The following ABCC11 variants were observed in gnomAD, a reference collection of about 807,000 sequenced individuals.
ABCC11 encodes the protein ATP binding cassette subfamily C member 11.
A neutral mutation model predicts 149.3 loss-of-function variants in ABCC11; 135 were observed. That is an observed-to-expected ratio of 0.90 (90% CI 0.79 to 1.04). ABCC11 has a LOEUF of 1.04. Ranked by LOEUF, ABCC11 falls within the 50% of genes least tolerant of loss-of-function variation. The probability of loss-of-function intolerance (pLI) is 0.00; values close to 1 mark genes in which losing one functional copy is unlikely to be tolerated. For missense variants in ABCC11, 1,680 were observed against 1,722.1 expected (o/e 0.98, Z 0.43); for synonymous variants, 665 against 671.4 (o/e 0.99, Z 0.15).
At position 48,167,319 on chromosome 16, in the gene ABCC11, T is replaced by C. The variant is rs1426944700; in HGVS notation, c.4104A>G (p.Ser1368=). The change falls in exon 30 of 30, where the codon TCA becomes TCG. Residue 1368 remains serine (S), a synonymous_variant. Coordinates refer to ENST00000356608, the MANE Select transcript of ABCC11 (RefSeq NM_001370497.1). ...RPEVLRKKPG[S]LFAALMATAT... ...CTGTGGCCATGAGGGCTGCGAACAATGACCCAGGCTTCTTCCGCAGTACCT... is the reference window on the plus strand; with the variant it reads ...CTGTGGCCATGAGGGCTGCGAACAACGACCCAGGCTTCTTCCGCAGTACCT... 1.0e-6 allele frequency: 1 copy of C among 966,716 alleles called. No individual in the cohort carries two copies. Among genetic ancestry groups the C allele is most frequent in the East Asian group, 2.4e-5 (1 of 42,056 alleles). The allele number at this position is 966,716 out of a possible 1,614,324, so 59.9% of individuals were successfully genotyped here. A position where few individuals can be genotyped will look rare whatever the true frequency, so the allele number is the denominator to read the frequency against.
intron 26 of ABCC11, among the ~76,000 whole-genome samples, chr16:48,173,137 A>G (rs1965823835): frequency 1.3e-5 from 2 of 152,182 alleles, no homozygotes; most frequent in African/African-American, 4.8e-5. Context: ...TATCAGTTTT[A>G]AATGGCTTGT....
intron 6 of ABCC11, among the ~76,000 whole-genome samples, chr16:48,219,810 G>A (rs13332872): frequency 0.14 from 21,868 of 151,886 alleles, 2,074 homozygotes; most frequent in African/African-American, 0.28. Flanking sequence ...GTGAAACCCC[G>A]TCTCTACTAA....
chr16:48,164,992 G>C (rs1466566635), downstream of ABCC11: 1 of 152,010 alleles, frequency 6.6e-6, no homozygotes, highest in Non-Finnish European at 1.5e-5. Context: ...TTATCTCCGG[G>C]GATCCGGCCA....
At chr16:48,213,234 C>T (rs1969070431) in intron 10 of ABCC11, among the ~76,000 whole-genome samples, 1 of 152,224 alleles carries the variant, frequency 6.6e-6, no homozygotes, top group Non-Finnish European at 1.5e-5. Flanking sequence ...ACACACTATC[C>T]TAAGATCTTC....
chr16:48,194,821 G>C (rs1282559663), intron 18 of ABCC11, among the ~76,000 whole-genome samples: 3 of 152,220 alleles, frequency 2.0e-5, no homozygotes, highest in Admixed American at 6.5e-5. Context: ...GGACTTCCCA[G>C]TCTCCAGAAC....
intron 28 of ABCC11, 131 bp from the exon 29 acceptor site, chr16:48,167,791 G>A (rs546836147): frequency 0.092 from 97,493 of 1,061,440 alleles, 5,203 homozygotes; most frequent in Middle Eastern, 0.12. Context: ...GGAAATGGGA[G>A]AATTATGCCG....
chr16:48,165,102 GGCCAGTGTGTA>G (rs1192396665), downstream of ABCC11: 1 of 152,078 alleles, frequency 6.6e-6, no homozygotes, highest in Non-Finnish European at 1.5e-5. Context: ...GCCTGGGGAG[GGCCAGTGTGTA>G]GAGAGCTCCC....
intron 27 of ABCC11, 53 bp from the exon 28 acceptor site, chr16:48,170,271 A>C (rs1596649831): frequency 7.4e-7 from 1 of 1,353,612 alleles, no homozygotes; most frequent in Non-Finnish European, 1.1e-6. Context: ...GTGGGGTGAG[A>C]CCCAACCTGA....
intron 13 of ABCC11, 47 bp from the exon 14 acceptor site, chr16:48,203,347 C>G (rs770140498): frequency 6.7e-7 from 1 of 1,483,786 alleles, no homozygotes; most frequent in South Asian, 1.2e-5. Context: ...AGCCCTCCCG[C>G]CCATCACCCT....
Position 48,227,824 on chromosome 16 carries a change from G to A in ABCC11, c.377C>T (p.Ser126Leu), listed in dbSNP as rs374304368. The A allele has an allele frequency of 1.2e-6, 2 of 1,613,924 alleles. No homozygotes were observed. The highest frequency in any genetic ancestry group is 2.7e-5 in the African/African-American group (2 of 74,876). ...TIPPLSVHDA[S>L]DKNVQRLHRL... ...GCTTCACCTTTGGACATTTTTGTCT[G>A]AGGCATCATGGACTGACAGTGGAGG... Residue 126 changes from serine to leucine, a missense_variant, in exon 4 of 30, where the codon TCA (serine) becomes TTA (leucine). By Grantham distance (145) the Ser-to-Leu change is moderately radical. Transcript: ENST00000356608.
chr16:48,246,615 C>T (rs1479401750), intron 1 of ABCC11, among the ~76,000 whole-genome samples: 3 of 152,090 alleles, frequency 2.0e-5, no homozygotes, highest in Non-Finnish European at 4.4e-5. Flanking sequence ...CTGTCTCCTC[C>T]GCTGAAGTGC....
intron 15 of ABCC11, among the ~76,000 whole-genome samples, chr16:48,199,447 G>A (rs369688597): frequency 1.6e-4 from 24 of 152,052 alleles, no homozygotes; most frequent in Middle Eastern, 3.4e-3. Context: ...AAAAGAAACA[G>A]AAGAAGAAGG....
At chr16:48,205,120 T>C (rs1410108979) in intron 13 of ABCC11, among the ~76,000 whole-genome samples, 3 of 152,202 alleles carry the variant, frequency 2.0e-5, no homozygotes, top group African/African-American at 7.2e-5. Context: ...TGAGCCAATA[T>C]AGCGTAATAG....
At chr16:48,205,007 T>G (rs1345157198) in intron 13 of ABCC11, among the ~76,000 whole-genome samples, 1 of 152,182 alleles carries the variant, frequency 6.6e-6, no homozygotes, top group African/African-American at 2.4e-5. Flanking sequence ...CAGAACCTCA[T>G]CGCTCCCATT....
At chr16:48,221,888 T>A (rs148495206) in intron 6 of ABCC11, among the ~76,000 whole-genome samples, 63 of 152,052 alleles carry the variant, frequency 4.1e-4, no homozygotes, top group African/African-American at 1.4e-3. Context: ...ACTATAGGTA[T>A]ATACCACCAT....
intron 6 of ABCC11, among the ~76,000 whole-genome samples, chr16:48,218,256 A>G (rs1969485466): frequency 6.6e-6 from 1 of 152,204 alleles, no homozygotes; most frequent in Admixed American, 6.5e-5. Context: ...TGGTGGCACC[A>G]CTGCACTCCA....
intron 28 of ABCC11, among the ~76,000 whole-genome samples, chr16:48,169,805 TACCTAATGTAAATG>T (rs1357850951): frequency 6.8e-6 from 1 of 148,102 alleles, no homozygotes; most frequent in East Asian, 2.1e-4. Context: ...TTAGGAGATA[TACCTAATGTAAATG>T]ACGAGTTAAC....
Position 48,170,943 on chromosome 16 carries a change from A to T in ABCC11, c.3723T>A (p.Arg1241=). The stretch of plus-strand genomic sequence containing the variant: ...CATCCCAGATCTGCTGGTCAGTGTG[A>T]CGGTCAAAGGGATCTAGGTTGAATC... ...TIRFNLDPFD[R]HTDQQIWDAL... is the part of the protein sequence containing the mutation. The change falls in exon 27 of 30, where the codon CGT becomes CGA. Residue 1241 remains arginine (R), a synonymous_variant. Transcript: ENST00000356608. The T allele has an allele frequency of 6.2e-7, 1 of 1,613,916 alleles. No individual in the cohort carries two copies. The highest frequency in any genetic ancestry group is 8.5e-7 in the Non-Finnish European group (1 of 1,179,754).
At chr16:48,238,658 C>G (rs988927735) in intron 1 of ABCC11, among the ~76,000 whole-genome samples, 2 of 151,984 alleles carry the variant, frequency 1.3e-5, no homozygotes, top group African/African-American at 4.8e-5. Context: ...AAAAACTAGG[C>G]CGGGCGCGGT....
Sources: gnomAD v4.1 joint callset for allele counts (sites outside exome capture counted in the v4.1 genomes callset) on GRCh38, gnomAD v4.1.1 for gene constraint, MANE v1.5 for transcripts, NCBI Gene and HGNC (gene_info 2026-07-23, HGNC 2026-07-21) for gene names.